SYT7: variants seen among roughly 807,000 people sequenced by gnomAD.
SYT7 encodes the protein synaptotagmin-7.
Under a neutral mutation model 75.1 loss-of-function variants are expected in SYT7, and 29 were observed. The observed-to-expected ratio is 0.39, with a 90% CI of 0.29 to 0.53. SYT7 has a LOEUF of 0.53. Among genes scored for constraint, SYT7 ranks in the 20% least tolerant of loss-of-function variants. SYT7 has a pLI of 0.77. For missense variants in SYT7, 693 were observed against 953.2 expected (o/e 0.73, Z 3.59); for synonymous variants, 376 against 401.7 (o/e 0.94, Z 0.76).
At chr11:61,585,329 G>C (rs1391528358), upstream of SYT7, among the ~76,000 whole-genome samples, 2 of 152,220 alleles carry the variant, frequency 1.3e-5, no homozygotes, top group South Asian at 4.2e-4. Flanking sequence ...TCACGTGACA[G>C]AACAAACACA....
rs1218649430 is a variant in SYT7, at chr11:61,514,419, T to C, written c.*4208A>G. On this transcript the variant is annotated 3_prime_UTR_variant, in exon 13 of 13. Coordinates refer to ENST00000539008, the MANE Select transcript of SYT7 (RefSeq NM_001365809.2). ...CCGGGAGGCAGCTGCTGGCCCCAAG[T>C]GCTGGGAGCAGAGGGCGGATGGGAT... Among the ~76,000 whole-genome samples, 1 of 152,106 alleles carries C rather than the reference T, an allele frequency of 6.6e-6. No homozygotes were observed. Among genetic ancestry groups the C allele is most frequent in the Non-Finnish European group, 1.5e-5 (1 of 68,004 alleles).
At position 61,523,083 on chromosome 11, in the gene SYT7, T is replaced by C; in HGVS notation, c.1948A>G (p.Ile650Val). ...ACCTGCCTCGCCCCTACCTTGCCGA[T>C]GACGTCATTGCGGCTGAGCTTGTCC... is the stretch of plus-strand genomic sequence containing the variant. ...DKDKLSRNDVIGKIYLSWKSG... is the reference protein window; with the variant it reads ...DKDKLSRNDVVGKIYLSWKSG... Residue 650 changes from isoleucine (I) to valine (V), a missense_variant, in exon 12 of 13, where the codon ATC (isoleucine) becomes GTC (valine). Ile to Val is a conservative substitution (Grantham distance 29). Transcript: ENST00000539008. This position sits in a 1 kb window ranked among gnomAD's most constrained non-coding sequence, Gnocchi z 5.0. 3 of 1,614,200 alleles carry C rather than the reference T, an allele frequency of 1.9e-6. No homozygotes were observed. The highest frequency in any genetic ancestry group is 2.5e-6 in the Non-Finnish European group (3 of 1,180,044).
chr11:61,535,013 C>T (rs965684092), intron 7 of SYT7, among the ~76,000 whole-genome samples: 11 of 152,288 alleles, frequency 7.2e-5, no homozygotes, highest in Middle Eastern at 3.4e-3. Context: ...TATTTGGCCA[C>T]GCTGCAGCGT....
Position 61,523,432 on chromosome 11 carries a change from T to A in SYT7, c.1757-158A>T, listed in dbSNP as rs2062412537. Among the ~76,000 whole-genome samples the A allele has an allele frequency of 2.0e-5, 3 of 151,954 alleles. No individual in the cohort carries two copies. The highest frequency in any genetic ancestry group is 1.3e-4 in the Admixed American group (2 of 15,268). On this transcript the variant is annotated intron_variant, in intron 11 of 12. Coordinates refer to ENST00000539008, the MANE Select transcript of SYT7 (RefSeq NM_001365809.2). The surrounding 1 kb of genome is among the most constrained non-coding windows in gnomAD (Gnocchi z 5.0). The stretch of plus-strand genomic sequence containing the variant: ...CAAGAACAAGAGGGACCTGGGAGAA[T>A]CAGCAGATGGACCTTAGCGATCACC...
Position 61,524,150 on chromosome 11 carries a change from C to T in SYT7, c.1642-209G>A, listed in dbSNP as rs1565164838. On this transcript the variant is annotated intron_variant, in intron 10 of 12. Coordinates refer to ENST00000539008, the MANE Select transcript of SYT7 (RefSeq NM_001365809.2). The surrounding 1 kb of genome is among the most constrained non-coding windows in gnomAD (Gnocchi z 4.1). ...TCGCCTCCCTGTTCCCTGAACATAG[C>T]CCTAGGTTCCTTCTTACAGATCGGG... Among the ~76,000 whole-genome samples, 2 of 152,212 alleles carry T rather than the reference C, an allele frequency of 1.3e-5. No individual in the cohort carries two copies. The highest frequency in any genetic ancestry group is 2.9e-5 in the Non-Finnish European group (2 of 68,032).
chr11:61,580,255 A>C lies in SYT7; in HGVS notation c.31+535T>G, dbSNP rs1308434787. Among the ~76,000 whole-genome samples the C allele has an allele frequency of 1.6e-4, 18 of 111,758 alleles. No homozygotes were observed. The highest frequency in any genetic ancestry group is 5.6e-4 in the South Asian group (2 of 3,544). The allele number at this position is 111,758 out of a possible 152,430, so 73.3% of individuals were successfully genotyped here. On this transcript the variant is annotated intron_variant, in intron 1 of 12. Transcript: ENST00000539008. This position sits in a 1 kb window ranked among gnomAD's most constrained non-coding sequence, Gnocchi z 6.1. ...CCCATCAACGCCCCTGCAGTTCCCC[A>C]CCCCCCAGAACCTCCCTGCCCAGCT...
chr11:61,574,930 C>A (rs1009265253), intron 1 of SYT7, among the ~76,000 whole-genome samples: 1 of 152,126 alleles, frequency 6.6e-6, no homozygotes, highest in Non-Finnish European at 1.5e-5. Context: ...CTCTCCTCCA[C>A]TCCCCTCGTG....
At chr11:61,573,170 CCTGGGCCTGGCCCTG>C (rs1289704486) in intron 1 of SYT7, among the ~76,000 whole-genome samples, 4 of 152,218 alleles carry the variant, frequency 2.6e-5, no homozygotes, top group Non-Finnish European at 5.9e-5. Flanking sequence ...TGTGGCCCCT[CCTGGGCCTGGCCCTG>C]ATGCCTGGGG....
At chr11:61,530,065 G>A (rs892628821) in intron 8 of SYT7, among the ~76,000 whole-genome samples, 2 of 152,182 alleles carry the variant, frequency 1.3e-5, no homozygotes, top group African/African-American at 2.4e-5. Context: ...GCTGGAACAC[G>A]TGGAACACAG....
chr11:61,586,749 C>T, the SYT7 span, among the ~76,000 whole-genome samples: 1 of 152,162 alleles, frequency 6.6e-6, no homozygotes, highest in East Asian at 1.9e-4. Flanking sequence ...TCTCTGCCCT[C>T]CCCATCCTCT....
At chr11:61,525,911 T>G (rs1225862038) in intron 9 of SYT7, 1 of 152,228 alleles carries the variant, frequency 6.6e-6, no homozygotes, top group Non-Finnish European at 1.5e-5. Context: ...GGGGGCCAGG[T>G]GAAGGTCTGA....
At chr11:61,528,906 G>A (rs562412076) in intron 8 of SYT7, among the ~76,000 whole-genome samples, 6 of 152,286 alleles carry the variant, frequency 3.9e-5, no homozygotes, top group African/African-American at 9.6e-5. Context: ...GGACTGCTGG[G>A]AGGGAGGGCG....
At chr11:61,541,056 G>C in intron 6 of SYT7, 1 of 985,562 alleles carries the variant, frequency 1.0e-6, no homozygotes, top group African/African-American at 1.7e-5. Context: ...GCATGGCAGG[G>C]CCTCTTCGGG....
intron 1 of SYT7, among the ~76,000 whole-genome samples, chr11:61,569,124 A>C (rs2063851821): frequency 6.6e-6 from 1 of 151,802 alleles, no homozygotes; most frequent in South Asian, 2.1e-4. Context: ...CCCGGGGTCC[A>C]TTGGTTGGCT....
At chr11:61,565,024 C>T (rs1157462749) in intron 1 of SYT7, among the ~76,000 whole-genome samples, 3 of 152,152 alleles carry the variant, frequency 2.0e-5, no homozygotes, top group Non-Finnish European at 2.9e-5. Flanking sequence ...ACCACTACTC[C>T]GGAGATAAAG....
intron 1 of SYT7, among the ~76,000 whole-genome samples, chr11:61,562,236 C>T (rs1331734165): frequency 6.6e-6 from 1 of 152,150 alleles, no homozygotes; most frequent in Admixed American, 6.5e-5. Context: ...CTCTGAGTTC[C>T]CAGCATACTG....
chr11:61,586,672 T>C, the SYT7 span, among the ~76,000 whole-genome samples: 1 of 152,068 alleles, frequency 6.6e-6, no homozygotes, highest in Admixed American at 6.5e-5. Flanking sequence ...GTCCTTCGGG[T>C]TCCAGATGAA....
chr11:61,546,364 A>G lies in SYT7; in HGVS notation c.348-109T>C, dbSNP rs1388648037. 6.0e-6 allele frequency: 4 copies of G among 670,686 alleles called. No homozygotes were observed. Among genetic ancestry groups the G allele is most frequent in the Non-Finnish European group, 9.6e-6 (4 of 415,410 alleles). 41.5% of individuals were successfully genotyped at this position (670,686 alleles called of 1,614,324 possible). ...GGGGGGTGGAAGAGGAAGAAAAACAATAACAGATAAAAGGAAGAAAGAGAC... is the reference window on the plus strand; with the variant it reads ...GGGGGGTGGAAGAGGAAGAAAAACAGTAACAGATAAAAGGAAGAAAGAGAC... On this transcript the variant is annotated intron_variant, in intron 4 of 12. Coordinates refer to ENST00000539008, the MANE Select transcript of SYT7 (RefSeq NM_001365809.2). This position sits in a 1 kb window ranked among gnomAD's most constrained non-coding sequence, Gnocchi z 7.6.
rs1362571815 is a variant in SYT7 at position 61,538,338 on chromosome 11, AGAGAGAGG to A, written c.942-80_942-73del. On this transcript the variant is annotated intron_variant, in intron 6 of 12. Coordinates refer to ENST00000539008, the MANE Select transcript of SYT7 (RefSeq NM_001365809.2). ...CCGTGGGCGGGGGCAGGGGGGAAGG[AGAGAGAGG>A]GAGAGAGAGAGAGAGAGAGAGAGAG... is the stretch of plus-strand genomic sequence containing the variant. The A allele has an allele frequency of 1.9e-4, 167 of 895,630 alleles. No individual in the cohort carries two copies. The African/African-American group carries it at 3.3e-3, about 17-fold the overall frequency. The allele number at this position is 895,630 out of a possible 1,614,324, so 55.5% of individuals were successfully genotyped here. A position where few individuals can be genotyped will look rare whatever the true frequency, so the allele number is the denominator to read the frequency against.
Sources: allele counts gnomAD v4.1 joint callset (sites outside exome capture counted in the v4.1 genomes callset), GRCh38; gene constraint gnomAD v4.1.1; non-coding constraint Gnocchi (gnomAD v3.1); transcripts MANE v1.5; gene names NCBI Gene and HGNC (gene_info 2026-07-23, HGNC 2026-07-21).